PLPPR4: variants seen among roughly 807,000 people sequenced by gnomAD.
PLPPR4 encodes the protein phospholipid phosphatase related 4.
A neutral mutation model predicts 56.6 loss-of-function variants in PLPPR4; 24 were observed. The ratio of observed to expected loss-of-function variants is 0.42; its 90% CI spans 0.31 to 0.60. PLPPR4 has a LOEUF of 0.60. Among genes scored for constraint, PLPPR4 ranks in the 20% least tolerant of loss-of-function variants. The pLI is 0.13. For synonymous variants in PLPPR4, 326 were observed against 328.1 expected (o/e 0.99, Z 0.07); for missense variants, 654 against 885.8 (o/e 0.74, Z 3.32).
At chr1:99,300,806 T>TTTAA (rs1659867578) in intron 4 of PLPPR4, 103 bp from the exon 5 acceptor site, 6 of 845,650 alleles carry the variant, frequency 7.1e-6, no homozygotes, top group Non-Finnish European at 8.0e-6. Flanking sequence ...CTTATTGCCT[T>TTTAA]GTGACTTTTA....
chr1:99,282,965 T>C (rs924037172), intron 1 of PLPPR4, among the ~76,000 whole-genome samples: 63 of 147,572 alleles, frequency 4.3e-4, no homozygotes, highest in African/African-American at 1.6e-3. Context: ...ATATATTATA[T>C]ATGTGCAATA....
rs949906216 is a variant in PLPPR4, at chr1:99,269,068, C to T, written c.78+4397C>T. Among the ~76,000 whole-genome samples, 8 of 152,242 alleles carry T rather than the reference C, an allele frequency of 5.3e-5. No individual in the cohort carries two copies. The South Asian group carries it at 1.2e-3, about 24-fold the overall frequency. ...ATTAGGTATTTCTCCTAATACTATCCATCCCCTAGCCCCCCAACCCCCACA... is the reference window on the plus strand; with the variant it reads ...ATTAGGTATTTCTCCTAATACTATCTATCCCCTAGCCCCCCAACCCCCACA... On this transcript the variant is annotated intron_variant, in intron 1 of 6. Transcript: ENST00000370185.
At chr1:99,267,126 G>A (rs1658918791) in intron 1 of PLPPR4, among the ~76,000 whole-genome samples, 3 of 152,174 alleles carry the variant, frequency 2.0e-5, no homozygotes, top group Non-Finnish European at 4.4e-5. Context: ...ACAAGAAGAG[G>A]CTAACAAAAC....
At chr1:99,284,327 T>C (rs1659411589) in intron 1 of PLPPR4, among the ~76,000 whole-genome samples, 1 of 152,138 alleles carries the variant, frequency 6.6e-6, no homozygotes, top group Non-Finnish European at 1.5e-5. Context: ...ATGTATAAAA[T>C]TATTTATTTC....
rs532978783 is a variant in PLPPR4 at position 99,285,315 on chromosome 1, T to G, written c.79-2650T>G. On this transcript the variant is annotated intron_variant, in intron 1 of 6. Coordinates refer to ENST00000370185, the MANE Select transcript of PLPPR4 (RefSeq NM_014839.5). Reference sequence around the variant, plus strand: ...AATTAAAATTTCTAAAACATAATATTGGCACGTAGTAAGCACTTTATGAAG... The same window carrying G: ...AATTAAAATTTCTAAAACATAATATGGGCACGTAGTAAGCACTTTATGAAG... 4.6e-5 allele frequency among the ~76,000 whole-genome samples: 7 copies of G among 152,310 alleles called. No homozygotes were observed. The South Asian group carries it at 1.5e-3, about 32-fold the overall frequency.
At chr1:99,276,537 T>C (rs758585103) in intron 1 of PLPPR4, among the ~76,000 whole-genome samples, 2 of 152,122 alleles carry the variant, frequency 1.3e-5, no homozygotes, top group Non-Finnish European at 2.9e-5. Flanking sequence ...TAAGATTATA[T>C]GTCAATTTAA....
At chr1:99,273,439 A>G (rs1659107410) in intron 1 of PLPPR4, among the ~76,000 whole-genome samples, 1 of 152,110 alleles carries the variant, frequency 6.6e-6, no homozygotes, top group African/African-American at 2.4e-5. Context: ...AGATGTGACT[A>G]TATCGTTAAC....
intron 1 of PLPPR4, among the ~76,000 whole-genome samples, chr1:99,264,892 C>T (rs563904508): frequency 6.6e-6 from 1 of 152,296 alleles, no homozygotes; most frequent in East Asian, 1.9e-4. Flanking sequence ...GGTGTCGCTG[C>T]TGGGTGGCCT....
chr1:99,264,884 T>G (rs749807685), intron 1 of PLPPR4, among the ~76,000 whole-genome samples: 3 of 152,014 alleles, frequency 2.0e-5, no homozygotes, highest in Admixed American at 6.5e-5. Context: ...CCATTAGAGG[T>G]GTCGCTGCTG....
intron 1 of PLPPR4, among the ~76,000 whole-genome samples, chr1:99,278,579 G>A (rs966933725): frequency 2.0e-4 from 30 of 152,056 alleles, no homozygotes; most frequent in African/African-American, 6.5e-4. Flanking sequence ...AGTCTCTAAC[G>A]GTTTAAAGAA....
At chr1:99,270,346 C>CT (rs1326161347) in intron 1 of PLPPR4, among the ~76,000 whole-genome samples, 1 of 152,154 alleles carries the variant, frequency 6.6e-6, no homozygotes, top group Admixed American at 6.5e-5. Context: ...GTTTTCATTA[C>CT]TTTGAATGTG....
In PLPPR4 at chr1:99,279,770, G is replaced by C. The variant is rs183881694; in HGVS notation, c.79-8195G>C. 3.9e-5 allele frequency among the ~76,000 whole-genome samples: 6 copies of C among 152,142 alleles called. No individual in the cohort carries two copies. The South Asian group carries it at 8.3e-4, about 21-fold the overall frequency. ...TTCAATTACTGGCCTTTGAAGCCAG[G>C]CATGCTATTTTACTTATCTGGGGCA... is the stretch of plus-strand genomic sequence containing the variant. On this transcript the variant is annotated intron_variant, in intron 1 of 6. Transcript: ENST00000370185.
chr1:99,279,364 T>TAAA, intron 1 of PLPPR4, among the ~76,000 whole-genome samples: 1 of 152,168 alleles, frequency 6.6e-6, no homozygotes, highest in Non-Finnish European at 1.5e-5. Context: ...ATATTAGAAA[T>TAAA]CATTCACTAG....
intron 2 of PLPPR4, among the ~76,000 whole-genome samples, chr1:99,289,289 A>C (rs893774244): frequency 2.0e-5 from 3 of 152,130 alleles, no homozygotes; most frequent in Admixed American, 2.0e-4. Context: ...GTTTAAGAAG[A>C]GTCTCTGCAC....
At chr1:99,271,528 C>T (rs1659059541) in intron 1 of PLPPR4, among the ~76,000 whole-genome samples, 1 of 152,214 alleles carries the variant, frequency 6.6e-6, no homozygotes, top group Non-Finnish European at 1.5e-5. Context: ...CTGTTTGTGG[C>T]TCTGTCAGAG....
At chr1:99,282,683 CT>C (rs1659360198) in intron 1 of PLPPR4, among the ~76,000 whole-genome samples, 1 of 152,062 alleles carries the variant, frequency 6.6e-6, no homozygotes, top group Admixed American at 6.6e-5. Flanking sequence ...TAACTTCCTC[CT>C]TGGACGTCGG....
At chr1:99,305,309 G>A (rs538644260) in intron 6 of PLPPR4, among the ~76,000 whole-genome samples, 1 of 152,160 alleles carries the variant, frequency 6.6e-6, no homozygotes, top group South Asian at 2.1e-4. Flanking sequence ...AATCATTTAA[G>A]CCATTTGAGA....
intron 2 of PLPPR4, among the ~76,000 whole-genome samples, chr1:99,295,486 A>G (rs1407106895): frequency 6.6e-6 from 1 of 152,218 alleles, no homozygotes; most frequent in East Asian, 1.9e-4. Context: ...TAGTATTTAC[A>G]GTGACATGAT....
rs1659868787 is a variant in PLPPR4 at position 99,300,873 on chromosome 1, A to T, written c.591-36A>T. 4 of 1,527,920 alleles carry T rather than the reference A, an allele frequency of 2.6e-6. No individual in the cohort carries two copies. In the East Asian group the frequency reaches 9.0e-5, roughly 34 times the overall value. The allele number at this position is 1,527,920 out of a possible 1,614,324, so 94.6% of individuals were successfully genotyped here. ...AGATGATTGCTAGCAGTGTATCTGA[A>T]CTACAAGGCATAATTTGACTATCTT... On this transcript the variant is annotated intron_variant, in intron 4 of 6. Coordinates refer to ENST00000370185, the MANE Select transcript of PLPPR4 (RefSeq NM_014839.5).
Sources: allele counts gnomAD v4.1 joint callset (sites outside exome capture counted in the v4.1 genomes callset), GRCh38; gene constraint gnomAD v4.1.1; transcripts MANE v1.5; gene names NCBI Gene and HGNC (gene_info 2026-07-23, HGNC 2026-07-21).